The following NBEA variants were observed in gnomAD, a reference collection of about 807,000 sequenced individuals.
The protein encoded by NBEA is neurobeachin, also known as lysosomal-trafficking regulator 2.
A neutral mutation model predicts 343.4 loss-of-function variants in NBEA; 44 were observed. The observed-to-expected ratio is 0.13, with a 90% CI of 0.10 to 0.16. NBEA has a LOEUF of 0.16. NBEA is among the 10% of genes least tolerant of loss of function. The pLI is 1.00. For missense variants in NBEA, 2,555 were observed against 3,631.3 expected (o/e 0.70, Z 7.62); for synonymous variants, 1,175 against 1,238.7 (o/e 0.95, Z 1.08).
chr13:35,070,627 A>T, intron 9 of NBEA, 92 bp from the exon 10 acceptor site: 1 of 1,163,572 alleles, frequency 8.6e-7, no homozygotes, highest in Non-Finnish European at 1.2e-6. Flanking sequence ...CAAGTATGTT[A>T]TTTAATTCTA....
At chr13:34,983,157 GCTATAC>G (rs1489296818) in intron 1 of NBEA, among the ~76,000 whole-genome samples, 1 of 152,064 alleles carries the variant, frequency 6.6e-6, no homozygotes, top group Non-Finnish European at 1.5e-5. Context: ...TTCTCCTAAT[GCTATAC>G]CTCCCCCTGA....
At chr13:35,134,502 C>G (rs964981039) in intron 17 of NBEA, among the ~76,000 whole-genome samples, 4 of 151,718 alleles carry the variant, frequency 2.6e-5, no homozygotes, top group Admixed American at 2.6e-4. Context: ...ATCTTACCTA[C>G]TTAGAAATTA....
At chr13:35,060,198 A>G (rs559182944) in intron 8 of NBEA, among the ~76,000 whole-genome samples, 6 of 151,992 alleles carry the variant, frequency 3.9e-5, no homozygotes, top group African/African-American at 1.4e-4. Flanking sequence ...AGAAGGTAGA[A>G]TATCAAGAAA....
chr13:35,191,709 A>T (rs1054500684), intron 30 of NBEA, among the ~76,000 whole-genome samples: 3 of 152,064 alleles, frequency 2.0e-5, no homozygotes, highest in Non-Finnish European at 2.9e-5. Flanking sequence ...TAGTTTGCTT[A>T]TATTATTATT....
chr13:35,600,643 C>T (rs1361229331), intron 47 of NBEA, among the ~76,000 whole-genome samples: 1 of 152,114 alleles, frequency 6.6e-6, no homozygotes, highest in East Asian at 1.9e-4. Flanking sequence ...CTCACATCTA[C>T]CCTAAGAGTT....
chr13:35,151,272 G>A (rs911710255), intron 18 of NBEA, among the ~76,000 whole-genome samples: 18 of 151,030 alleles, frequency 1.2e-4, no homozygotes, highest in African/African-American at 4.1e-4. Flanking sequence ...GGCCGGGCTC[G>A]GTGGCTCACG....
chr13:35,671,092 G>A lies in NBEA; in HGVS notation c.*101G>A, dbSNP rs562743890. The A allele has an allele frequency of 1.2e-5, 9 of 744,510 alleles. No homozygotes were observed. Among genetic ancestry groups the A allele is most frequent in the South Asian group, 8.1e-5 (5 of 61,404 alleles). 46.1% of individuals were successfully genotyped at this position (744,510 alleles called of 1,614,324 possible). On this transcript the variant is annotated 3_prime_UTR_variant, in exon 59 of 59. Transcript: ENST00000379939. The stretch of plus-strand genomic sequence containing the variant: ...AAAAAACTCGTCTACATCGACCTCC[G>A]TTTGTACATTCCATCACACCCAGCA...
At position 35,196,423 on chromosome 13, in the gene NBEA, C is replaced by T. The variant is rs193276429; in HGVS notation, c.5366+121C>T. 3.0e-5 allele frequency: 28 copies of T among 945,456 alleles called. No individual in the cohort carries two copies. In the African/African-American group the frequency reaches 4.2e-4, roughly 14 times the overall value. The allele number at this position is 945,456 out of a possible 1,614,324, so 58.6% of individuals were successfully genotyped here. ...TTAACGTAGATTCTTATTACAAAGA[C>T]AATCAAAATGATGGCTCAACCTAAT... On this transcript the variant is annotated intron_variant, in intron 31 of 58. Transcript: ENST00000379939.
At chr13:35,532,109 TTTAA>T (rs1208240254) in intron 41 of NBEA, among the ~76,000 whole-genome samples, 1 of 152,238 alleles carries the variant, frequency 6.6e-6, no homozygotes, top group African/African-American at 2.4e-5. Context: ...AACTTTCTTT[TTTAA>T]TGCTGCTTTG....
intron 40 of NBEA, among the ~76,000 whole-genome samples, chr13:35,463,675 A>G (rs1382385155): frequency 6.6e-6 from 1 of 152,174 alleles, no homozygotes; most frequent in African/African-American, 2.4e-5. Flanking sequence ...GACTTTTTCA[A>G]GCCTTTAACT....
intron 41 of NBEA, chr13:35,476,005 A>G: frequency 6.2e-7 from 1 of 1,614,062 alleles, no homozygotes; most frequent in Non-Finnish European, 8.5e-7. Context: ...CTGCACTTCC[A>G]CTTCCTTCAG....
At chr13:35,302,689 A>G (rs906212421) in intron 35 of NBEA, among the ~76,000 whole-genome samples, 2 of 152,222 alleles carry the variant, frequency 1.3e-5, no homozygotes, top group Non-Finnish European at 2.9e-5. Context: ...ACATTTTTAT[A>G]CATAAGGATT....
intron 48 of NBEA, among the ~76,000 whole-genome samples, chr13:35,611,384 A>G (rs1221646745): frequency 1.3e-5 from 2 of 152,254 alleles, no homozygotes; most frequent in African/African-American, 2.4e-5. Context: ...TGATACATGT[A>G]ACAAAATCAC....
intron 41 of NBEA, among the ~76,000 whole-genome samples, chr13:35,503,840 A>G (rs1332996553): frequency 6.6e-6 from 1 of 152,104 alleles, no homozygotes; most frequent in Non-Finnish European, 1.5e-5. Context: ...ACTGGTTTTA[A>G]AGAATCTAAT....
intron 34 of NBEA, among the ~76,000 whole-genome samples, chr13:35,282,027 C>T (rs2035086628): frequency 6.6e-6 from 1 of 151,988 alleles, no homozygotes; most frequent in South Asian, 2.1e-4. Flanking sequence ...ATTCTCCTGC[C>T]TCAGTCTCCC....
intron 10 of NBEA, among the ~76,000 whole-genome samples, chr13:35,089,147 C>T (rs1425593921): frequency 7.9e-5 from 6 of 76,022 alleles, no homozygotes; most frequent in East Asian, 4.0e-4. Context: ...AGAAAATTTT[C>T]GCAACCTACT....
At chr13:35,409,182 C>T (rs915310842) in intron 38 of NBEA, among the ~76,000 whole-genome samples, 2 of 152,090 alleles carry the variant, frequency 1.3e-5, no homozygotes, top group African/African-American at 2.4e-5. Flanking sequence ...GAATGAGATC[C>T]TGTCCTTCAC....
chr13:35,308,817 G>A (rs897865444), intron 35 of NBEA, among the ~76,000 whole-genome samples: 1 of 150,464 alleles, frequency 6.6e-6, no homozygotes, highest in Non-Finnish European at 1.5e-5. Context: ...CATAAAATAA[G>A]CATATGCTTT....
At chr13:34,992,941 C>T (rs879622767) in intron 1 of NBEA, among the ~76,000 whole-genome samples, 1 of 151,306 alleles carries the variant, frequency 6.6e-6, no homozygotes, top group Admixed American at 6.6e-5. Context: ...CTTTGGCCTC[C>T]CAAAGTGCTG....
Sources: gnomAD v4.1 joint callset for allele counts (sites outside exome capture counted in the v4.1 genomes callset) on GRCh38, gnomAD v4.1.1 for gene constraint, MANE v1.5 for transcripts, NCBI Gene and HGNC (gene_info 2026-07-23, HGNC 2026-07-21) for gene names.